PDE3B: variants seen among roughly 807,000 people sequenced by gnomAD.
PDE3B encodes the protein phosphodiesterase 3B.
Under a neutral mutation model 116.8 loss-of-function variants are expected in PDE3B, and 66 were observed. The ratio of observed to expected loss-of-function variants is 0.56; its 90% confidence interval spans 0.46 to 0.69. The LOEUF is 0.69. PDE3B is among the 30% of genes least tolerant of loss of function. The pLI, the probability that PDE3B is intolerant of heterozygous loss-of-function variation, is 0.00. For synonymous variants in PDE3B, 595 were observed against 533.6 expected, an observed-to-expected ratio of 1.12 and a Z score of -1.59; for missense variants, 1,384 against 1,368.1, an observed-to-expected ratio of 1.01 and a Z score of -0.18.
chr11:14,891,112 C>A, the PDE3B span: 20 of 985,412 alleles, frequency 2.0e-5, no homozygotes, highest in Non-Finnish European at 2.4e-5. Flanking sequence ...GTCCCAGGAC[C>A]CGTGGAAACT....
At chr11:14,734,605 A>G (rs764424699) in intron 1 of PDE3B, among the ~76,000 whole-genome samples, 9 of 152,188 alleles carry the variant, frequency 5.9e-5, no homozygotes, top group Non-Finnish European at 1.0e-4. Context: ...AATATGAAGT[A>G]TATTAATTGA....
chr11:14,831,357 A>G (rs535839773), intron 8 of PDE3B, among the ~76,000 whole-genome samples: 18 of 151,802 alleles, frequency 1.2e-4, no homozygotes, highest in African/African-American at 3.4e-4. Context: ...AAAATAATAG[A>G]CTTTGGATTT....
chr11:14,866,201 A>G (rs1848042816), intron 14 of PDE3B, among the ~76,000 whole-genome samples: 1 of 152,198 alleles, frequency 6.6e-6, no homozygotes, highest in Non-Finnish European at 1.5e-5. Context: ...TTTCATATAT[A>G]TCACTAAAAA....
chr11:14,665,753 C>G (rs1472681689), intron 1 of PDE3B, among the ~76,000 whole-genome samples: 1 of 152,264 alleles, frequency 6.6e-6, no homozygotes, highest in East Asian at 1.9e-4. Context: ...TCAAGGAGAA[C>G]TACAAACCAC....
intron 5 of PDE3B, among the ~76,000 whole-genome samples, chr11:14,812,425 C>G (rs1422551968): frequency 6.6e-6 from 1 of 151,940 alleles, no homozygotes; most frequent in East Asian, 1.9e-4. Context: ...ATATTTTGAG[C>G]TGAATAATAA....
At chr11:14,688,428 A>G (rs2133803535) in intron 1 of PDE3B, among the ~76,000 whole-genome samples, 1 of 152,210 alleles carries the variant, frequency 6.6e-6, no homozygotes, top group Non-Finnish European at 1.5e-5. Context: ...TCAGCACTTT[A>G]TCCTATTTGC....
the PDE3B span, chr11:14,886,247 G>T: frequency 8.2e-6 from 2 of 244,364 alleles, no homozygotes; most frequent in Admixed American, 5.0e-5. Context: ...AACCTATCTG[G>T]GCTTCAGTAT....
chr11:14,692,074 C>T (rs577967085), intron 1 of PDE3B, among the ~76,000 whole-genome samples: 1 of 151,952 alleles, frequency 6.6e-6, no homozygotes, highest in South Asian at 2.1e-4. Flanking sequence ...TTGAGACCAG[C>T]CTGGGCAAGA....
chr11:14,831,446 A>G (rs1859879578), intron 8 of PDE3B, among the ~76,000 whole-genome samples, 194 bp from the exon 9 acceptor site: 1 of 151,970 alleles, frequency 6.6e-6, no homozygotes, highest in Non-Finnish European at 1.5e-5. Flanking sequence ...CCCAGGAGTT[A>G]TGTTTTTAGT....
chr11:14,845,156 T>G, intron 12 of PDE3B, among the ~76,000 whole-genome samples: 1 of 151,712 alleles, frequency 6.6e-6, no homozygotes, highest in East Asian at 1.9e-4. Context: ...AGAGGAACGA[T>G]CAGACAGCAG....
chr11:14,772,869 GA>G (rs1338504311), intron 2 of PDE3B: 1 of 151,882 alleles, frequency 6.6e-6, no homozygotes, highest in Non-Finnish European at 1.5e-5. Context: ...TAGCTTATTT[GA>G]AGATTCTTTG....
intron 1 of PDE3B, among the ~76,000 whole-genome samples, chr11:14,662,039 C>G (rs1853939832): frequency 6.6e-6 from 1 of 152,198 alleles, no homozygotes; most frequent in Non-Finnish European, 1.5e-5. Flanking sequence ...CCCGAGCAGC[C>G]TAACTGGGAG....
At chr11:14,811,641 T>G (rs1350021291) in intron 5 of PDE3B, among the ~76,000 whole-genome samples, 1 of 152,082 alleles carries the variant, frequency 6.6e-6, no homozygotes, top group Non-Finnish European at 1.5e-5. Flanking sequence ...TTTGGTTCCA[T>G]ATGAACTTTA....
intron 1 of PDE3B, among the ~76,000 whole-genome samples, chr11:14,759,232 T>G (rs1382164959): frequency 1.3e-5 from 2 of 152,150 alleles, no homozygotes; most frequent in African/African-American, 4.8e-5. Context: ...AAAATTCTCT[T>G]TTTTGGTTGT....
At chr11:14,656,042 A>G (rs949517513) in intron 1 of PDE3B, among the ~76,000 whole-genome samples, 26 of 152,200 alleles carry the variant, frequency 1.7e-4, no homozygotes, top group African/African-American at 6.0e-4. Context: ...AGAGAATGAA[A>G]ATATTGGGAG....
At chr11:14,788,168 C>A (rs1041737122) in intron 3 of PDE3B, among the ~76,000 whole-genome samples, 12 of 151,730 alleles carry the variant, frequency 7.9e-5, no homozygotes, top group Admixed American at 6.6e-4. Flanking sequence ...AACTCTATAT[C>A]GAATTTGTCT....
chr11:14,795,397 TTAG>T (rs1295068973), intron 4 of PDE3B, among the ~76,000 whole-genome samples: 1 of 152,236 alleles, frequency 6.6e-6, no homozygotes, highest in East Asian at 1.9e-4. Context: ...CTGCCAACTA[TTAG>T]TAGTCATTGG....
At chr11:14,648,859 G>A (rs1420551436) in intron 1 of PDE3B, among the ~76,000 whole-genome samples, 1 of 152,052 alleles carries the variant, frequency 6.6e-6, no homozygotes, top group Non-Finnish European at 1.5e-5. Flanking sequence ...ATTGTTGTGG[G>A]TTTTTCTCTT....
chr11:14,746,589 A>G (rs1163415955), intron 1 of PDE3B, among the ~76,000 whole-genome samples: 12 of 152,200 alleles, frequency 7.9e-5, no homozygotes, highest in Admixed American at 7.2e-4. Flanking sequence ...AAAGCTGAGG[A>G]TATAAACTTA....
Sources: gnomAD v4.1 joint callset for allele counts (sites outside exome capture counted in the v4.1 genomes callset) on GRCh38, gnomAD v4.1.1 for gene constraint, MANE v1.5 for transcripts, NCBI Gene and HGNC (gene_info 2026-07-23, HGNC 2026-07-21) for gene names.